The following ATP9B variants were observed in gnomAD, a reference collection of about 807,000 sequenced individuals.
The protein encoded by ATP9B is ATPase phospholipid transporting 9B, also known as probable phospholipid-transporting ATPase IIB.
ATP9B carries 110 observed loss-of-function variants against 146.1 expected under a neutral mutation model. The observed-to-expected ratio is 0.75, with a 90% CI of 0.65 to 0.88. The LOEUF (loss-of-function observed/expected upper bound fraction) is 0.88, where lower values mean the gene tolerates loss of function less well. Among genes scored for constraint, ATP9B ranks in the 40% least tolerant of loss-of-function variants. The pLI, the probability that ATP9B is intolerant of heterozygous loss-of-function variation, is 0.00. For missense variants in ATP9B, 1,499 were observed against 1,496.4 expected (o/e 1.00, Z -0.03); for synonymous variants, 604 against 569.7 (o/e 1.06, Z -0.86).
chr18:79,232,504 A>G (rs2095801844), intron 11 of ATP9B, among the ~76,000 whole-genome samples: 1 of 152,196 alleles, frequency 6.6e-6, no homozygotes, highest in Non-Finnish European at 1.5e-5. Context: ...TGGCAAGATG[A>G]ACATAAAGCC....
In ATP9B at chr18:79,110,008, A is replaced by G. The variant is rs574910164; in HGVS notation, c.294-347A>G. Among the ~76,000 whole-genome samples the G allele has an allele frequency of 4.6e-5, 7 of 152,308 alleles. No homozygotes were observed. In the South Asian group the frequency reaches 1.4e-3, roughly 32 times the overall value. On this transcript the variant is annotated intron_variant, in intron 2 of 29. Coordinates refer to ENST00000426216, the MANE Select transcript of ATP9B (RefSeq NM_198531.5). The stretch of plus-strand genomic sequence containing the variant: ...AAGGACCTTTATCATTGAAAAGTGT[A>G]TTGGGAATTACCAGTAGGTAACCTA...
intron 11 of ATP9B, among the ~76,000 whole-genome samples, chr18:79,251,125 CT>C (rs1294006910): frequency 6.6e-6 from 1 of 152,208 alleles, no homozygotes; most frequent in East Asian, 1.9e-4. Flanking sequence ...AAAACTGACA[CT>C]TTGTGTTTGA....
chr18:79,139,968 G>A (rs1471193576), intron 5 of ATP9B, among the ~76,000 whole-genome samples: 1 of 152,136 alleles, frequency 6.6e-6, no homozygotes, highest in Non-Finnish European at 1.5e-5. Context: ...TAAACCTATC[G>A]TAGGATCTGA....
At chr18:79,355,793 C>G (rs1600320585) in intron 25 of ATP9B, among the ~76,000 whole-genome samples, 1 of 152,188 alleles carries the variant, frequency 6.6e-6, no homozygotes, top group East Asian at 1.9e-4. Context: ...AAACCCTGAA[C>G]AGGACAGTCA....
At chr18:79,215,384 C>T (rs2095618474) in intron 11 of ATP9B, among the ~76,000 whole-genome samples, 1 of 152,100 alleles carries the variant, frequency 6.6e-6, no homozygotes, top group African/African-American at 2.4e-5. Flanking sequence ...CAGTGTGCAT[C>T]TCCTGTACCT....
chr18:79,376,214 C>CACCCACACACACAAAA, intron 29 of ATP9B: 1 of 528,146 alleles, frequency 1.9e-6, no homozygotes, highest in South Asian at 9.4e-5. Context: ...CACACACACA[C>CACCCACACACACAAAA]AAAACAAAAC....
intron 15 of ATP9B, among the ~76,000 whole-genome samples, chr18:79,324,971 G>A (rs1241058714): frequency 6.6e-6 from 1 of 152,202 alleles, no homozygotes; most frequent in East Asian, 1.9e-4. Flanking sequence ...AGCAGCTGGG[G>A]CTGTGGAGTA....
At chr18:79,069,625 A>G in intron 1 of ATP9B, 96 bp downstream of exon 1, 4 of 758,002 alleles carry the variant, frequency 5.3e-6, no homozygotes, top group Non-Finnish European at 7.3e-6. Flanking sequence ...TGGGGTCGCT[A>G]CCGGCGCGCC....
At chr18:79,109,174 T>C (rs1405314841) in intron 2 of ATP9B, among the ~76,000 whole-genome samples, 2 of 152,248 alleles carry the variant, frequency 1.3e-5, no homozygotes, top group African/African-American at 4.8e-5. Context: ...TGAATACAAT[T>C]AGAAGGTGAG....
intron 8 of ATP9B, among the ~76,000 whole-genome samples, chr18:79,177,917 T>C (rs1047322014): frequency 1.3e-5 from 2 of 152,214 alleles, no homozygotes; most frequent in Admixed American, 6.5e-5. Context: ...TTAAATTATC[T>C]AGGATACTAT....
intron 15 of ATP9B, among the ~76,000 whole-genome samples, chr18:79,314,848 A>G (rs2096670799): frequency 1.3e-5 from 2 of 152,252 alleles, no homozygotes; most frequent in South Asian, 4.1e-4. Flanking sequence ...GCACCGAACT[A>G]GTGGCATGAG....
chr18:79,285,209 A>G (rs1319054618), intron 13 of ATP9B, among the ~76,000 whole-genome samples: 1 of 151,628 alleles, frequency 6.6e-6, no homozygotes, highest in Non-Finnish European at 1.5e-5. Flanking sequence ...GACTTCCACA[A>G]TGGTTGAACT....
At chr18:79,316,034 G>C (rs568923118) in intron 15 of ATP9B, among the ~76,000 whole-genome samples, 96 of 152,230 alleles carry the variant, frequency 6.3e-4, no homozygotes, top group African/African-American at 2.2e-3. Flanking sequence ...AAATATCTTA[G>C]GGATTACTTC....
chr18:79,099,033 T>C (rs2075050084), intron 2 of ATP9B, among the ~76,000 whole-genome samples: 1 of 152,218 alleles, frequency 6.6e-6, no homozygotes, highest in Non-Finnish European at 1.5e-5. Context: ...GATTGATTTC[T>C]GGTCTTCCCT....
intron 15 of ATP9B, among the ~76,000 whole-genome samples, chr18:79,324,401 G>A (rs2096732998): frequency 1.3e-5 from 2 of 152,108 alleles, no homozygotes; most frequent in Admixed American, 6.5e-5. Context: ...GCCCTGGAGT[G>A]TGCCAGCCTA....
intron 11 of ATP9B, among the ~76,000 whole-genome samples, chr18:79,234,470 G>A (rs1408639473): frequency 1.3e-5 from 2 of 152,186 alleles, no homozygotes; most frequent in South Asian, 2.1e-4. Flanking sequence ...AAGGTAGATC[G>A]CTGCCTTTGC....
chr18:79,312,608 A>G (rs8083920), intron 15 of ATP9B, among the ~76,000 whole-genome samples: 142,367 of 152,270 alleles, frequency 0.93, 66,650 homozygotes, highest in East Asian at 1. Context: ...AGGGGCTCAC[A>G]AGCGTCGCCT....
Position 79,347,911 on chromosome 18 carries a change from A to G in ATP9B, c.2824A>G (p.Ile942Val), listed in dbSNP as rs1387063609. Residue 942 changes from isoleucine to valine, a missense_variant, in exon 24 of 30, where the codon ATC (isoleucine) becomes GTC (valine). Ile to Val is a conservative substitution (Grantham distance 29). Transcript: ENST00000426216. Reference protein sequence around the residue: ...GQFVMHRGLIISTMQAVFSSV... With the variant: ...GQFVMHRGLIVSTMQAVFSSV... ...GTTCGTCATGCACAGGGGCCTTATC[A>G]TCTCCACCATGCAGGTACTAAGCCT... 1 of 1,612,442 alleles carries G rather than the reference A, an allele frequency of 6.2e-7. No homozygotes were observed. The highest frequency in any genetic ancestry group is 8.5e-7 in the Non-Finnish European group (1 of 1,179,736).
chr18:79,075,994 T>C (rs1349181870), intron 1 of ATP9B, among the ~76,000 whole-genome samples: 1 of 152,240 alleles, frequency 6.6e-6, no homozygotes, highest in Non-Finnish European at 1.5e-5. Context: ...CATTGCAGTG[T>C]ACTGTTGTTG....
Sources: gnomAD v4.1 joint callset for allele counts (sites outside exome capture counted in the v4.1 genomes callset) on GRCh38, gnomAD v4.1.1 for gene constraint, MANE v1.5 for transcripts, NCBI Gene and HGNC (gene_info 2026-07-23, HGNC 2026-07-21) for gene names.